The following USP50 variants were observed in gnomAD, a reference collection of about 807,000 sequenced individuals.
The protein encoded by USP50 is ubiquitin specific peptidase 50.
In USP50, 37 loss-of-function variants were observed where a neutral mutation model predicts 39.2. The observed-to-expected ratio is 0.94, with a 90% confidence interval of 0.73 to 1.24. The LOEUF is 1.24. Among genes scored for constraint, USP50 ranks in the 50% most tolerant of loss-of-function variants. USP50 has a pLI of 0.00. For synonymous variants in USP50, 139 were observed against 144.5 expected (o/e 0.96, Z 0.27); for missense variants, 374 against 398.2 (o/e 0.94, Z 0.52).
chr15:50,525,518 GTA>G (rs1166083608), intron 6 of USP50, among the ~76,000 whole-genome samples: 1 of 106,490 alleles, frequency 9.4e-6, no homozygotes, highest in African/African-American at 3.9e-5. Context: ...GTATATATAT[GTA>G]TATATGTATA....
chr15:50,526,250 G>C (rs920148687), intron 6 of USP50, among the ~76,000 whole-genome samples: 1 of 152,054 alleles, frequency 6.6e-6, no homozygotes, highest in Admixed American at 6.6e-5. Flanking sequence ...TGTAGAGATG[G>C]GGATTCGCCA....
Position 50,506,957 on chromosome 15 carries a change from C to CAAAAAAAAAAAA in USP50, c.937-6132_937-6121dup, listed in dbSNP as rs58329541. 7 of 46,224 alleles carry CAAAAAAAAAAAA rather than the reference C, an allele frequency of 1.5e-4. 1 individual carries two copies. The highest frequency in any genetic ancestry group is 6.6e-4 in the African/African-American group (7 of 10,548). 2.9% of individuals were successfully genotyped at this position (46,224 alleles called of 1,614,324 possible). A position where few individuals can be genotyped will look rare whatever the true frequency, so the allele number is the denominator to read the frequency against. On this transcript the variant is annotated intron_variant, in intron 6 of 6. Coordinates refer to ENST00000532404, the MANE Select transcript of USP50 (RefSeq NM_203494.5). Reference sequence around the variant, plus strand: ...TGGGCGACAGAGCGAGACTTCATCTCAAAAAAAAAAAAAAAAAAAAAAAAA... The same window carrying CAAAAAAAAAAAA: ...TGGGCGACAGAGCGAGACTTCATCTCAAAAAAAAAAAAAAAAAAAAAAAAAAAAAAAAAAAAA...
At chr15:50,496,393 A>G (rs1382662091), downstream of USP50, among the ~76,000 whole-genome samples, 1 of 151,356 alleles carries the variant, frequency 6.6e-6, no homozygotes, top group African/African-American at 2.4e-5. Context: ...AGGCAGGAGA[A>G]TGGCGTGAAC....
chr15:50,545,243 A>C (rs1384821187), intron 1 of USP50, among the ~76,000 whole-genome samples: 1 of 152,142 alleles, frequency 6.6e-6, no homozygotes, highest in African/African-American at 2.4e-5. Context: ...ATTAATAGTT[A>C]ATAAAACAAT....
At chr15:50,511,704 T>C (rs969973964) in intron 6 of USP50, 1 of 152,234 alleles carries the variant, frequency 6.6e-6, no homozygotes, top group Admixed American at 6.5e-5. Flanking sequence ...TTTATTAAAA[T>C]ACCCAGAATA....
chr15:50,517,511 A>G, intron 6 of USP50, among the ~76,000 whole-genome samples: 1 of 152,138 alleles, frequency 6.6e-6, no homozygotes, highest in East Asian at 1.9e-4. Flanking sequence ...CATATTAGGT[A>G]CTTTTCCAAT....
chr15:50,517,613 A>C (rs1005440540), intron 6 of USP50, among the ~76,000 whole-genome samples: 4 of 152,232 alleles, frequency 2.6e-5, no homozygotes, highest in African/African-American at 9.6e-5. Flanking sequence ...CTGAATCACC[A>C]ATGGGTCCAA....
At chr15:50,537,957 A>AGGGAAGGGAAGGGAAGGGAAG (rs1265674327) in intron 5 of USP50, among the ~76,000 whole-genome samples, 2 of 140,142 alleles carry the variant, frequency 1.4e-5, no homozygotes, top group Non-Finnish European at 3.1e-5. Flanking sequence ...AGGGAAGGGA[A>AGGGAAGGGAAGGGAAGGGAAG]GGGTCTTAAA....
At chr15:50,526,170 C>T (rs3105596) in intron 6 of USP50, among the ~76,000 whole-genome samples, 86,219 of 151,890 alleles carry the variant, frequency 0.57, 24,574 homozygotes, top group Admixed American at 0.63. Context: ...GAGATCCCCC[C>T]ACCTCAGCCC....
At chr15:50,495,977 T>C, downstream of USP50, 1 of 1,613,948 alleles carries the variant, frequency 6.2e-7, no homozygotes, top group Non-Finnish European at 8.5e-7. Context: ...TCAGGGTCAA[T>C]TCAAATCTAC....
At chr15:50,506,957 C>CAAAAAAAAAAAAAAAA (rs58329541) in intron 6 of USP50, 3 of 46,196 alleles carry the variant, frequency 6.5e-5, no homozygotes, top group African/African-American at 2.8e-4. Context: ...GACTTCATCT[C>CAAAAAAAAAAAAAAAA]AAAAAAAAAA....
chr15:50,543,803 A>C lies in USP50; in HGVS notation c.249-10T>G, dbSNP rs2053049225. ...AACTTCACTGCAATCGCTTGGAAGA[A>C]GAAAGGGATATGTTTCTGGCTGATT... On this transcript the variant is annotated splice_polypyrimidine_tract_variant and intron_variant, in intron 2 of 6. Coordinates refer to ENST00000532404, the MANE Select transcript of USP50 (RefSeq NM_203494.5). 3 of 1,602,064 alleles carry C rather than the reference A, an allele frequency of 1.9e-6. No homozygotes were observed. The highest frequency in any genetic ancestry group is 2.6e-6 in the Non-Finnish European group (3 of 1,173,698).
At chr15:50,539,030 TAGA>T (rs1294578649) in intron 4 of USP50, among the ~76,000 whole-genome samples, 179 bp from the exon 5 acceptor site, 3 of 152,148 alleles carry the variant, frequency 2.0e-5, no homozygotes, top group Non-Finnish European at 4.4e-5. Context: ...AAAATCCACC[TAGA>T]AGGTGTTTCT....
At chr15:50,495,797 A>T, downstream of USP50, 1 of 1,398,276 alleles carries the variant, frequency 7.2e-7, no homozygotes, top group Non-Finnish European at 9.9e-7. Context: ...CTTTCAATTT[A>T]AATGTTTTCT....
intron 6 of USP50, among the ~76,000 whole-genome samples, chr15:50,524,926 G>A (rs1160162591): frequency 6.6e-6 from 1 of 151,980 alleles, no homozygotes; most frequent in African/African-American, 2.4e-5. Flanking sequence ...AATCTGACTT[G>A]TGGATATACG....
intron 6 of USP50, chr15:50,511,661 TAAAAAC>T (rs1014242873): frequency 2.0e-5 from 3 of 152,080 alleles, no homozygotes; most frequent in Non-Finnish European, 4.4e-5. Flanking sequence ...TAAAAGAAAA[TAAAAAC>T]AGAAGGTCAT....
intron 6 of USP50, among the ~76,000 whole-genome samples, chr15:50,527,484 G>C (rs551539106): frequency 1.3e-5 from 2 of 152,052 alleles, no homozygotes; most frequent in Non-Finnish European, 2.9e-5. Flanking sequence ...TGGGATTACA[G>C]GTGTAAGCCA....
At chr15:50,502,746 C>T (rs2052609289) in intron 6 of USP50, 1 of 152,308 alleles carries the variant, frequency 6.6e-6, no homozygotes, top group Non-Finnish European at 1.5e-5. Flanking sequence ...AGTCCTCTCA[C>T]TTCAGGCCCC....
downstream of USP50, among the ~76,000 whole-genome samples, chr15:50,496,615 TTCAGGATTGTTAGTATG>T (rs1259472518): frequency 6.6e-6 from 1 of 152,198 alleles, no homozygotes; most frequent in Non-Finnish European, 1.5e-5. Flanking sequence ...CTTTCAGGAT[TTCAGGATTGTTAGTATG>T]TTTTTAAAAA....
Sources: allele counts gnomAD v4.1 joint callset (sites outside exome capture counted in the v4.1 genomes callset), GRCh38; gene constraint gnomAD v4.1.1; transcripts MANE v1.5; gene names NCBI Gene and HGNC (gene_info 2026-07-23, HGNC 2026-07-21).